The following KHDRBS2 variants were observed in gnomAD, a reference collection of about 807,000 sequenced individuals.
The protein encoded by KHDRBS2 is KH domain-containing, RNA-binding, signal transduction-associated protein 2.
In KHDRBS2, 26 loss-of-function variants were observed where a neutral mutation model predicts 44.3. The ratio of observed to expected loss-of-function variants is 0.59; its 90% CI spans 0.43 to 0.81. The LOEUF (loss-of-function observed/expected upper bound fraction) is 0.81. KHDRBS2 is among the 40% of genes least tolerant of loss of function. The probability of loss-of-function intolerance (pLI) is 0.00; values close to 1 mark genes in which losing one functional copy is unlikely to be tolerated. For missense variants in KHDRBS2, 476 were observed against 433.1 expected (o/e 1.10, Z -0.88); for synonymous variants, 194 against 151.1 (o/e 1.28, Z -2.08).
Position 62,238,276 on chromosome 6 carries a change from TC to T in KHDRBS2, c.91+47581del, listed in dbSNP as rs1674936460. Among the ~76,000 whole-genome samples, 5 of 152,204 alleles carry T rather than the reference TC, an allele frequency of 3.3e-5. No homozygotes were observed. In the South Asian group the frequency reaches 1.0e-3, roughly 32 times the overall value. ...CATTTAGTGCTTCCCGTTATTATTCTCCCACAAGAAGCCTGGGAAGGAGACA... is the reference window on the plus strand; with the variant it reads ...CATTTAGTGCTTCCCGTTATTATTCTCCACAAGAAGCCTGGGAAGGAGACA... On this transcript the variant is annotated intron_variant, in intron 1 of 8. Coordinates refer to ENST00000281156, the MANE Select transcript of KHDRBS2 (RefSeq NM_152688.4).
intron 5 of KHDRBS2, among the ~76,000 whole-genome samples, chr6:61,899,634 C>T (rs1221767308): frequency 2.0e-5 from 3 of 151,530 alleles, no homozygotes; most frequent in Admixed American, 6.6e-5. Flanking sequence ...CTCAAAAATG[C>T]CAGATGCAAA....
At chr6:61,756,693 TTTAAC>T (rs1204253233) in intron 6 of KHDRBS2, among the ~76,000 whole-genome samples, 2 of 152,232 alleles carry the variant, frequency 1.3e-5, no homozygotes, top group African/African-American at 2.4e-5. Context: ...AACAAAATAG[TTTAAC>T]TTAACAGTAA....
the KHDRBS2 span, among the ~76,000 whole-genome samples, chr6:61,588,404 T>G: frequency 6.6e-6 from 1 of 152,220 alleles, no homozygotes; most frequent in Non-Finnish European, 1.5e-5. Flanking sequence ...TTAACCTCCA[T>G]TATGGTGACT....
At chr6:62,075,952 T>C (rs1023424062) in intron 2 of KHDRBS2, among the ~76,000 whole-genome samples, 1 of 151,742 alleles carries the variant, frequency 6.6e-6, no homozygotes, top group African/African-American at 2.4e-5. Flanking sequence ...TTTTGATCAA[T>C]TTGAATGTAG....
chr6:61,644,046 T>C, the KHDRBS2 span, among the ~76,000 whole-genome samples: 1 of 152,178 alleles, frequency 6.6e-6, no homozygotes, highest in Non-Finnish European at 1.5e-5. Flanking sequence ...GTTACTTGAC[T>C]TCAAACTATA....
chr6:62,242,864 CAT>C (rs751028081), intron 1 of KHDRBS2, among the ~76,000 whole-genome samples: 29 of 152,296 alleles, frequency 1.9e-4, no homozygotes, highest in South Asian at 6.2e-4. Context: ...ATCTGGCCCA[CAT>C]GTTTTGCCTG....
chr6:62,060,807 A>C (rs1562754313), intron 2 of KHDRBS2, among the ~76,000 whole-genome samples: 1 of 151,888 alleles, frequency 6.6e-6, no homozygotes, highest in Non-Finnish European at 1.5e-5. Flanking sequence ...TAATTCATTT[A>C]TACTAAGTAG....
At chr6:62,224,405 T>A (rs747521518) in intron 1 of KHDRBS2, among the ~76,000 whole-genome samples, 10 of 152,052 alleles carry the variant, frequency 6.6e-5, no homozygotes, top group Non-Finnish European at 1.2e-4. Flanking sequence ...ACCATATCAG[T>A]GGGTGTGTGT....
intron 6 of KHDRBS2, among the ~76,000 whole-genome samples, chr6:61,795,135 A>C (rs866473041): frequency 8.3e-6 from 1 of 120,684 alleles, no homozygotes. Flanking sequence ...ACAGAGCGAG[A>C]CTCCGTCTCA....
At chr6:62,086,943 G>GA (rs566790054) in intron 2 of KHDRBS2, among the ~76,000 whole-genome samples, 1,344 of 129,436 alleles carry the variant, frequency 0.01, 15 homozygotes, top group African/African-American at 0.022. Context: ...TGCAATAACT[G>GA]AAAAAAAAAA....
the KHDRBS2 span, among the ~76,000 whole-genome samples, chr6:61,637,604 G>A: frequency 6.6e-5 from 10 of 151,996 alleles, no homozygotes; most frequent in African/African-American, 2.4e-4. Flanking sequence ...CTGAAGAATC[G>A]CCACACTGAC....
At chr6:61,919,872 A>G (rs1047571017) in intron 4 of KHDRBS2, among the ~76,000 whole-genome samples, 4 of 151,902 alleles carry the variant, frequency 2.6e-5, no homozygotes, top group African/African-American at 9.7e-5. Context: ...GGTACTCTTA[A>G]CACTAAATGT....
intron 1 of KHDRBS2, among the ~76,000 whole-genome samples, chr6:62,191,074 G>A (rs993774217): frequency 9.9e-5 from 15 of 152,224 alleles, no homozygotes. Flanking sequence ...TTCTGTTGGA[G>A]TATGGTATCT....
At chr6:61,671,297 C>T in the KHDRBS2 span, among the ~76,000 whole-genome samples, 1 of 151,540 alleles carries the variant, frequency 6.6e-6, no homozygotes, top group African/African-American at 2.4e-5. Flanking sequence ...TATGAAGCAT[C>T]GTGGAACAGG....
intron 1 of KHDRBS2, among the ~76,000 whole-genome samples, chr6:62,205,391 C>T (rs1177736673): frequency 6.6e-6 from 1 of 152,094 alleles, no homozygotes; most frequent in East Asian, 1.9e-4. Flanking sequence ...TCTAGCCTTA[C>T]TCAGCCACCA....
intron 2 of KHDRBS2, among the ~76,000 whole-genome samples, chr6:62,156,875 C>T (rs1293533412): frequency 2.2e-5 from 3 of 139,112 alleles, no homozygotes; most frequent in Admixed American, 7.4e-5. Flanking sequence ...TTAGTAGAGA[C>T]GGGGTTTCAC....
chr6:62,098,530 C>T (rs781772149), intron 2 of KHDRBS2, among the ~76,000 whole-genome samples: 4 of 152,040 alleles, frequency 2.6e-5, no homozygotes, highest in Admixed American at 6.6e-5. Context: ...TTGGAACTTC[C>T]GTATTAAATA....
At chr6:61,609,109 G>C in the KHDRBS2 span, among the ~76,000 whole-genome samples, 1 of 152,130 alleles carries the variant, frequency 6.6e-6, no homozygotes, top group Non-Finnish European at 1.5e-5. Flanking sequence ...TGTAATCCCA[G>C]CACTTTGGGA....
At chr6:62,076,021 T>C (rs1253589383) in intron 2 of KHDRBS2, among the ~76,000 whole-genome samples, 5 of 151,872 alleles carry the variant, frequency 3.3e-5, no homozygotes, top group South Asian at 2.1e-4. Flanking sequence ...ATGGATGCGT[T>C]TGAATATGGG....
Sources: allele counts gnomAD v4.1 joint callset (sites outside exome capture counted in the v4.1 genomes callset), GRCh38; gene constraint gnomAD v4.1.1; transcripts MANE v1.5; gene names NCBI Gene and HGNC (gene_info 2026-07-23, HGNC 2026-07-21).